Variants in MACROH2A1 observed in about 807,000 individuals in gnomAD.
MACROH2A1 encodes core histone macro-H2A.1.
In MACROH2A1, 2 loss-of-function variants were observed where a neutral mutation model predicts 31.6. The ratio of observed to expected loss-of-function variants is 0.06; its 90% CI spans 0.03 to 0.20. The LOEUF (loss-of-function observed/expected upper bound fraction) is 0.20. MACROH2A1 is among the 10% of genes least tolerant of loss of function. The pLI is 1.00. For synonymous variants in MACROH2A1, 169 were observed against 189.6 expected, an observed-to-expected ratio of 0.89 and a Z score of 0.89; for missense variants, 230 against 474.0, an observed-to-expected ratio of 0.49 and a Z score of 4.78.
At chr5:135,361,586 C>G (rs1176964891) in intron 4 of MACROH2A1, 1 of 152,196 alleles carries the variant, frequency 6.6e-6, no homozygotes, top group Non-Finnish European at 1.5e-5. Flanking sequence ...CTTCACCTTT[C>G]CCTTCCCCAA....
intron 2 of MACROH2A1, among the ~76,000 whole-genome samples, chr5:135,379,649 T>C (rs1765386082): frequency 6.6e-6 from 1 of 152,192 alleles, no homozygotes; most frequent in African/African-American, 2.4e-5. Context: ...AGAAACACTG[T>C]AAATATGTTC....
chr5:135,380,847 G>A (rs1408040547), intron 2 of MACROH2A1, among the ~76,000 whole-genome samples: 4 of 152,220 alleles, frequency 2.6e-5, no homozygotes, highest in Non-Finnish European at 5.9e-5. Context: ...TAGTAACATG[G>A]ATTATCTCCT....
intron 6 of MACROH2A1, chr5:135,347,661 A>C (rs577265572): frequency 6.6e-6 from 1 of 152,364 alleles, no homozygotes; most frequent in Admixed American, 6.5e-5. Context: ...CAACTCCACC[A>C]CTACAAAGTG....
intron 8 of MACROH2A1, among the ~76,000 whole-genome samples, chr5:135,339,141 A>G (rs959523925): frequency 2.6e-5 from 4 of 152,182 alleles, no homozygotes; most frequent in Admixed American, 2.6e-4. Context: ...GACCTTAAGC[A>G]GACTAAAGAG....
chr5:135,354,974 C>A, intron 5 of MACROH2A1: 1 of 419,812 alleles, frequency 2.4e-6, no homozygotes. Flanking sequence ...GCTTTTAAGG[C>A]ACCTATAAAT....
chr5:135,335,791 GGACTT>G (rs1561560499), intron 8 of MACROH2A1, among the ~76,000 whole-genome samples: 1 of 152,204 alleles, frequency 6.6e-6, no homozygotes, highest in East Asian at 1.9e-4. Context: ...TAGGTGCTCT[GGACTT>G]AAAAATGTGA....
At chr5:135,337,879 G>A (rs1466102693) in intron 8 of MACROH2A1, 1 of 970,040 alleles carries the variant, frequency 1.0e-6, no homozygotes, top group Non-Finnish European at 1.3e-6. Flanking sequence ...ACATGAATCT[G>A]GATTTGTTTC....
intron 6 of MACROH2A1, among the ~76,000 whole-genome samples, chr5:135,350,275 A>T (rs1241656164): frequency 6.6e-6 from 1 of 152,120 alleles, no homozygotes; most frequent in Non-Finnish European, 1.5e-5. Context: ...ATTTTCATGT[A>T]CCTGAAGTCT....
intron 6 of MACROH2A1, chr5:135,346,295 C>T: frequency 1.9e-6 from 1 of 533,274 alleles, no homozygotes. Flanking sequence ...TTATTTGGGT[C>T]TGACTCAGGG....
At chr5:135,359,227 G>A (rs1581214686) in intron 5 of MACROH2A1, 2 of 985,396 alleles carry the variant, frequency 2.0e-6, no homozygotes, top group Non-Finnish European at 2.4e-6. Context: ...AGAGGGAGAA[G>A]GTGACCCCAA....
intron 2 of MACROH2A1, among the ~76,000 whole-genome samples, chr5:135,383,695 GGTGTGGTGTGTGTGTGTGTGTGT>G (rs1407903959): frequency 8.1e-4 from 119 of 146,288 alleles, no homozygotes; most frequent in African/African-American, 3.0e-3. Context: ...TGTGTGATGT[GGTGTGGTGTGTGTGTGTGTGTGT>G]GTGTGTGTGT....
chr5:135,398,739 G>A lies in MACROH2A1; in HGVS notation c.-34+323C>T, dbSNP rs1308972964. ...GGGCCTGGCCCGTGAGCCCGCCCCA[G>A]GAAGGGTCGCCAGGGTAGGCGCCAG... On this transcript the variant is annotated intron_variant, in intron 1 of 8. Coordinates refer to ENST00000511689, the MANE Select transcript of MACROH2A1 (RefSeq NM_138610.3). The surrounding 1 kb of genome is among the most constrained non-coding windows in gnomAD (Gnocchi z 4.6). 1.3e-5 allele frequency among the ~76,000 whole-genome samples: 2 copies of A among 152,244 alleles called. No homozygotes were observed. The highest frequency in any genetic ancestry group is 2.9e-5 in the Non-Finnish European group (2 of 68,052).
At chr5:135,346,887 G>C (rs1306923383) in intron 6 of MACROH2A1, 1 of 152,230 alleles carries the variant, frequency 6.6e-6, no homozygotes, top group Non-Finnish European at 1.5e-5. Flanking sequence ...TCCCAAACAA[G>C]ATCACCAACA....
intron 2 of MACROH2A1, among the ~76,000 whole-genome samples, chr5:135,378,303 C>T (rs967028315): frequency 1.7e-4 from 26 of 152,352 alleles, no homozygotes; most frequent in African/African-American, 5.8e-4. Context: ...CCCTTCCCGG[C>T]GGGCCAGCAC....
chr5:135,360,880 A>G (rs1762763213), intron 4 of MACROH2A1: 11 of 594,408 alleles, frequency 1.9e-5, no homozygotes, highest in Non-Finnish European at 3.4e-5. Flanking sequence ...CATTTAGAAT[A>G]GAACCATTTT....
At chr5:135,341,347 G>C (rs576512848) in intron 8 of MACROH2A1, among the ~76,000 whole-genome samples, 11 of 152,318 alleles carry the variant, frequency 7.2e-5, no homozygotes, top group Non-Finnish European at 1.3e-4. Flanking sequence ...GCCAGGGAAG[G>C]GGGAGGCAAG....
intron 4 of MACROH2A1, chr5:135,362,201 A>T (rs1174798745): frequency 1.3e-5 from 2 of 152,228 alleles, no homozygotes; most frequent in African/African-American, 4.8e-5. Flanking sequence ...TTGAGTTAAC[A>T]GCTGATAGAT....
chr5:135,389,901 C>T (rs1443526352), intron 1 of MACROH2A1, among the ~76,000 whole-genome samples: 1 of 152,202 alleles, frequency 6.6e-6, no homozygotes, highest in Non-Finnish European at 1.5e-5. Context: ...CACCCTCTAC[C>T]CCATGGGTGG....
At chr5:135,336,104 C>T (rs775990523) in intron 8 of MACROH2A1, among the ~76,000 whole-genome samples, 3 of 152,200 alleles carry the variant, frequency 2.0e-5, no homozygotes, top group Non-Finnish European at 2.9e-5. Context: ...GTGTCCAAAG[C>T]GCTGGGCCAA....
Sources: gnomAD v4.1 joint callset for allele counts (sites outside exome capture counted in the v4.1 genomes callset) on GRCh38, gnomAD v4.1.1 for gene constraint, Gnocchi (gnomAD v3.1) non-coding constraint, MANE v1.5 for transcripts, NCBI Gene and HGNC (gene_info 2026-07-23, HGNC 2026-07-21) for gene names.